RABGAP1: variants seen among roughly 807,000 people sequenced by gnomAD.
The protein encoded by RABGAP1 is RAB GTPase activating protein 1.
Under a neutral mutation model 137.6 loss-of-function variants are expected in RABGAP1, and 23 were observed. The observed-to-expected ratio is 0.17, with a 90% CI of 0.12 to 0.24. RABGAP1 has a LOEUF of 0.24. Ranked by LOEUF, RABGAP1 falls within the 10% of genes least tolerant of loss-of-function variation. RABGAP1 has a pLI of 1.00. For missense variants in RABGAP1, 906 were observed against 1,275.8 expected (o/e 0.71, Z 4.42); for synonymous variants, 451 against 450.7 (o/e 1.00, Z -0.01).
chr9:122,998,795 G>A lies in RABGAP1; in HGVS notation c.1374+29G>A, dbSNP rs190653195. On this transcript the variant is annotated intron_variant, in intron 10 of 25. Coordinates refer to ENST00000373647, the MANE Select transcript of RABGAP1 (RefSeq NM_012197.4). ...CTGTATTTTTCTATTAATATAGAAG[G>A]GGGAATAAGAAAGGAGAAATCACGT... is the stretch of plus-strand genomic sequence containing the variant. 472 of 1,422,534 alleles carry A rather than the reference G, an allele frequency of 3.3e-4. 4 individuals carry two copies. In the East Asian group the frequency reaches 0.011, roughly 33 times the overall value. The allele number at this position is 1,422,534 out of a possible 1,614,324, so 88.1% of individuals were successfully genotyped here. A position where few individuals can be genotyped will look rare whatever the true frequency, so the allele number is the denominator to read the frequency against.
At chr9:123,071,028 A>G (rs1384682733) in intron 15 of RABGAP1, among the ~76,000 whole-genome samples, 1 of 152,010 alleles carries the variant, frequency 6.6e-6, no homozygotes, top group African/African-American at 2.4e-5. Flanking sequence ...TTGTTTTTTG[A>G]AATTATTCTT....
At chr9:123,039,743 C>G (rs150206832) in intron 13 of RABGAP1, among the ~76,000 whole-genome samples, 1,672 of 152,244 alleles carry the variant, frequency 0.011, 10 homozygotes, top group Middle Eastern at 0.02. Flanking sequence ...GTAGTTGGAT[C>G]ACACCTTCTT....
At chr9:123,028,487 T>C (rs1023985362) in intron 13 of RABGAP1, among the ~76,000 whole-genome samples, 8 of 152,218 alleles carry the variant, frequency 5.3e-5, no homozygotes, top group African/African-American at 9.7e-5. Context: ...AAAAGGTCTC[T>C]TGCTCAGAAA....
intron 2 of RABGAP1, among the ~76,000 whole-genome samples, chr9:122,972,730 A>C (rs67084629): frequency 0.18 from 27,021 of 152,134 alleles, 2,970 homozygotes; most frequent in South Asian, 0.29. Context: ...AGAACAGAGG[A>C]TGGAAACCTA....
intron 19 of RABGAP1, among the ~76,000 whole-genome samples, chr9:123,080,483 T>A (rs2034672406): frequency 6.6e-6 from 1 of 152,164 alleles, no homozygotes; most frequent in South Asian, 2.1e-4. Flanking sequence ...TAGTGATGAT[T>A]TGTTGTCTTC....
chr9:122,967,681 C>A (rs979533962), intron 2 of RABGAP1, among the ~76,000 whole-genome samples: 2 of 152,092 alleles, frequency 1.3e-5, no homozygotes, highest in African/African-American at 4.8e-5. Flanking sequence ...ATGGGGGGAA[C>A]CCTCAGGTAT....
chr9:123,019,174 G>A (rs182883671), intron 12 of RABGAP1, among the ~76,000 whole-genome samples: 55 of 152,224 alleles, frequency 3.6e-4, no homozygotes, highest in Middle Eastern at 3.4e-3. Flanking sequence ...CAAAGATTTC[G>A]ATAACTTGTA....
chr9:122,965,102 C>T (rs1835068634), intron 2 of RABGAP1, among the ~76,000 whole-genome samples: 1 of 151,980 alleles, frequency 6.6e-6, no homozygotes, highest in Non-Finnish European at 1.5e-5. Flanking sequence ...AGAACTAAAC[C>T]ATCAACTGCT....
At chr9:123,097,552 C>T (rs1001917592) in intron 21 of RABGAP1, among the ~76,000 whole-genome samples, 189 bp from the exon 22 acceptor site, 1 of 152,206 alleles carries the variant, frequency 6.6e-6, no homozygotes, top group Non-Finnish European at 1.5e-5. Flanking sequence ...CTGCCCTGCA[C>T]TACCTCTGAG....
At chr9:123,000,744 G>A (rs1032850790) in intron 10 of RABGAP1, among the ~76,000 whole-genome samples, 4 of 151,730 alleles carry the variant, frequency 2.6e-5, no homozygotes, top group African/African-American at 9.7e-5. Flanking sequence ...GACCTCCTGG[G>A]CTCCAGAAGT....
intron 1 of RABGAP1, chr9:122,945,384 TG>T (rs1833895547): frequency 6.6e-6 from 1 of 152,068 alleles, no homozygotes; most frequent in Admixed American, 6.6e-5. Flanking sequence ...TTATACAATG[TG>T]GCCTGAAAGT....
intron 1 of RABGAP1, chr9:122,946,101 GTA>G (rs1833933508): frequency 6.6e-6 from 1 of 152,070 alleles, no homozygotes; most frequent in Admixed American, 6.6e-5. Context: ...AGCTTTGGGA[GTA>G]TATTTTAACT....
At chr9:123,020,871 T>C in intron 13 of RABGAP1, 1 of 883,666 alleles carries the variant, frequency 1.1e-6, no homozygotes, top group Non-Finnish European at 1.4e-6. Context: ...TTCTTTAATC[T>C]AAACCATATT....
At chr9:123,067,935 T>G (rs751188848) in intron 14 of RABGAP1, among the ~76,000 whole-genome samples, 7 of 152,196 alleles carry the variant, frequency 4.6e-5, no homozygotes, top group Non-Finnish European at 8.8e-5. Context: ...TACTGCATAA[T>G]TGGTGAAGCT....
At chr9:123,094,251 T>A (rs1013060263) in intron 21 of RABGAP1, among the ~76,000 whole-genome samples, 2 of 152,238 alleles carry the variant, frequency 1.3e-5, no homozygotes, top group African/African-American at 4.8e-5. Flanking sequence ...CTCACTGCAC[T>A]GACTAGCATC....
At chr9:123,013,417 C>T (rs1404332790) in intron 11 of RABGAP1, among the ~76,000 whole-genome samples, 5 of 151,894 alleles carry the variant, frequency 3.3e-5, no homozygotes, top group African/African-American at 1.2e-4. Context: ...CTGCACCCTC[C>T]GCCTCCTGGG....
chr9:123,074,760 G>A (rs1047760079), intron 17 of RABGAP1, among the ~76,000 whole-genome samples: 1 of 152,186 alleles, frequency 6.6e-6, no homozygotes, highest in African/African-American at 2.4e-5. Context: ...TGGCAGTAGC[G>A]TGCCTTCCCC....
chr9:122,950,143 A>C (rs1834151933), intron 1 of RABGAP1, among the ~76,000 whole-genome samples: 1 of 152,190 alleles, frequency 6.6e-6, no homozygotes, highest in African/African-American at 2.4e-5. Flanking sequence ...AAGTTTTAGA[A>C]ATTAACTTTG....
chr9:122,966,177 C>T (rs905275375), intron 2 of RABGAP1, among the ~76,000 whole-genome samples: 2 of 152,082 alleles, frequency 1.3e-5, no homozygotes, highest in Non-Finnish European at 2.9e-5. Context: ...GAGACAAATA[C>T]TAAGGAGAGG....
Sources: allele counts gnomAD v4.1 joint callset (sites outside exome capture counted in the v4.1 genomes callset), GRCh38; gene constraint gnomAD v4.1.1; transcripts MANE v1.5; gene names NCBI Gene and HGNC (gene_info 2026-07-23, HGNC 2026-07-21).